KCNQ5: variants seen among roughly 807,000 people sequenced by gnomAD.
KCNQ5 encodes the protein potassium voltage-gated channel subfamily Q member 5.
Under a neutral mutation model 98.2 loss-of-function variants are expected in KCNQ5, and 30 were observed. The ratio of observed to expected loss-of-function variants is 0.31; its 90% confidence interval spans 0.23 to 0.41. KCNQ5 has a LOEUF of 0.41. KCNQ5 is among the 10% of genes least tolerant of loss of function. The probability of loss-of-function intolerance (pLI) is 1.00; values close to 1 mark genes in which losing one functional copy is unlikely to be tolerated. For synonymous variants in KCNQ5, 458 were observed against 449.4 expected, an observed-to-expected ratio of 1.02 and a Z score of -0.24; for missense variants, 835 against 1,182.5, an observed-to-expected ratio of 0.71 and a Z score of 4.31.
intron 1 of KCNQ5, among the ~76,000 whole-genome samples, chr6:72,778,800 G>A (rs1182726757): frequency 6.6e-6 from 1 of 152,148 alleles, no homozygotes; most frequent in African/African-American, 2.4e-5. Flanking sequence ...AGTCAGAAAT[G>A]TATCAGAGAA....
At chr6:72,877,545 T>C (rs982308980) in intron 1 of KCNQ5, among the ~76,000 whole-genome samples, 1 of 152,228 alleles carries the variant, frequency 6.6e-6, no homozygotes, top group Non-Finnish European at 1.5e-5. Context: ...TGTATCTTTA[T>C]AGTAGAATGT....
At chr6:72,922,810 C>CTTT (rs369263359) in intron 1 of KCNQ5, among the ~76,000 whole-genome samples, 3 of 103,832 alleles carry the variant, frequency 2.9e-5, no homozygotes, top group Non-Finnish European at 3.9e-5. Context: ...TTTTCTTTTT[C>CTTT]TTTTTTTTTT....
intron 1 of KCNQ5, among the ~76,000 whole-genome samples, chr6:72,649,049 A>T (rs924582818): frequency 6.6e-6 from 1 of 152,156 alleles, no homozygotes; most frequent in African/African-American, 2.4e-5. Flanking sequence ...GTACCACTTC[A>T]TGTGACCAAA....
intron 1 of KCNQ5, among the ~76,000 whole-genome samples, chr6:72,808,702 C>T (rs1349781555): frequency 6.6e-6 from 1 of 152,048 alleles, no homozygotes; most frequent in Non-Finnish European, 1.5e-5. Context: ...AATCCTAGCA[C>T]TTGGGAGGCC....
intron 1 of KCNQ5, among the ~76,000 whole-genome samples, chr6:72,637,203 A>AT (rs1342704166): frequency 6.6e-6 from 1 of 151,978 alleles, no homozygotes; most frequent in African/African-American, 2.4e-5. Context: ...TGGAGATGTT[A>AT]TTTTTTTCTC....
chr6:72,817,809 G>T (rs145985313), intron 1 of KCNQ5, among the ~76,000 whole-genome samples: 1 of 151,934 alleles, frequency 6.6e-6, no homozygotes, highest in Admixed American at 6.5e-5. Context: ...TGGGAGGATC[G>T]CTTGAGCCCA....
intron 1 of KCNQ5, among the ~76,000 whole-genome samples, chr6:72,816,262 G>A (rs1775505300): frequency 1.3e-5 from 2 of 152,112 alleles, no homozygotes; most frequent in East Asian, 1.9e-4. Flanking sequence ...GAGTAGTAAG[G>A]GTCAAAGGCA....
intron 1 of KCNQ5, among the ~76,000 whole-genome samples, chr6:72,926,132 T>C (rs1166809627): frequency 6.6e-6 from 1 of 152,118 alleles, no homozygotes; most frequent in Admixed American, 6.6e-5. Flanking sequence ...TGAGGCTGAG[T>C]GTCTGCTTGC....
chr6:73,164,338 A>T (rs1302980023), intron 10 of KCNQ5, among the ~76,000 whole-genome samples: 2 of 152,208 alleles, frequency 1.3e-5, no homozygotes, highest in Non-Finnish European at 2.9e-5. Flanking sequence ...GCCAGCAAAG[A>T]TATATTTCCT....
At chr6:72,763,268 T>C (rs1437371887) in intron 1 of KCNQ5, among the ~76,000 whole-genome samples, 1 of 152,028 alleles carries the variant, frequency 6.6e-6, no homozygotes, top group African/African-American at 2.4e-5. Context: ...ACAGGCTTAA[T>C]AGCCCCACAG....
At chr6:73,115,232 A>G (rs1312375089) in intron 7 of KCNQ5, among the ~76,000 whole-genome samples, 1 of 152,182 alleles carries the variant, frequency 6.6e-6, no homozygotes, top group Non-Finnish European at 1.5e-5. Flanking sequence ...AGTTGTGAAA[A>G]TTTCCCTGAA....
At chr6:72,867,530 CAAG>C (rs1778036206) in intron 1 of KCNQ5, among the ~76,000 whole-genome samples, 1 of 152,162 alleles carries the variant, frequency 6.6e-6, no homozygotes, top group Admixed American at 6.5e-5. Flanking sequence ...ACAGAGCCAA[CAAG>C]AAGGAGAAGG....
intron 1 of KCNQ5, among the ~76,000 whole-genome samples, chr6:72,874,021 A>G (rs1391593891): frequency 2.0e-5 from 3 of 151,818 alleles, no homozygotes; most frequent in Non-Finnish European, 4.4e-5. Context: ...AAAGATTTAT[A>G]TCTTTACTTG....
At chr6:72,890,708 C>T (rs539229604) in intron 1 of KCNQ5, among the ~76,000 whole-genome samples, 5 of 152,220 alleles carry the variant, frequency 3.3e-5, no homozygotes, top group Middle Eastern at 3.4e-3. Context: ...AGATAAAAAC[C>T]TTTGTGTCTT....
At chr6:72,987,761 T>G (rs1174830148) in intron 1 of KCNQ5, 5 of 474,060 alleles carry the variant, frequency 1.1e-5, no homozygotes, top group Non-Finnish European at 1.2e-5. Context: ...ACTCTAGAGT[T>G]TTGTCCCCTC....
intron 1 of KCNQ5, among the ~76,000 whole-genome samples, chr6:72,734,839 A>G (rs1770743949): frequency 6.6e-6 from 1 of 152,198 alleles, no homozygotes; most frequent in South Asian, 2.1e-4. Flanking sequence ...ACTTCTTCAG[A>G]GATCAATTTT....
chr6:72,987,349 C>T (rs1768833775), intron 1 of KCNQ5: 3 of 713,568 alleles, frequency 4.2e-6, no homozygotes, highest in Non-Finnish European at 5.3e-6. Flanking sequence ...AGGCGAAAGG[C>T]CTTGCAAGGA....
At position 73,083,057 on chromosome 6, in the gene KCNQ5, A is replaced by AT. The variant is rs1184695241; in HGVS notation, c.918+5176dup. Among the ~76,000 whole-genome samples the AT allele has an allele frequency of 3.9e-5, 6 of 151,924 alleles. No individual in the cohort carries two copies. The East Asian group carries it at 1.2e-3, about 29-fold the overall frequency. The stretch of plus-strand genomic sequence containing the variant: ...AGGCACATGCCACCATGCCCAGCTA[A>AT]TTTTTTACTAATTTTTTGAAGAAAA... On this transcript the variant is annotated intron_variant, in intron 5 of 13. Coordinates refer to ENST00000370398, the MANE Select transcript of KCNQ5 (RefSeq NM_019842.4).
chr6:72,750,313 T>C (rs182084873), intron 1 of KCNQ5, among the ~76,000 whole-genome samples: 19 of 152,216 alleles, frequency 1.2e-4, no homozygotes, highest in Admixed American at 4.6e-4. Context: ...TATTTAGAAG[T>C]AAAATTTACT....
Sources: allele counts gnomAD v4.1 joint callset (sites outside exome capture counted in the v4.1 genomes callset), GRCh38; gene constraint gnomAD v4.1.1; transcripts MANE v1.5; gene names NCBI Gene and HGNC (gene_info 2026-07-23, HGNC 2026-07-21).